KANK1: variants seen among roughly 807,000 people sequenced by gnomAD.
KANK1 encodes the protein KN motif and ankyrin repeat domain-containing protein 1.
Under a neutral mutation model 106.2 loss-of-function variants are expected in KANK1, and 109 were observed. The observed-to-expected ratio is 1.03, with a 90% CI of 0.88 to 1.20. The LOEUF is 1.20. KANK1 is among the 50% of genes most tolerant of loss of function. The probability of loss-of-function intolerance (pLI) is 0.00; values close to 1 mark genes in which losing one functional copy is unlikely to be tolerated. For synonymous variants in KANK1, 873 were observed against 652.2 expected (o/e 1.34, Z -5.16); for missense variants, 2,399 against 1,710.7 (o/e 1.40, Z -7.10).
chr9:626,773 G>T (rs1270564265), intron 1 of KANK1, among the ~76,000 whole-genome samples: 1 of 152,102 alleles, frequency 6.6e-6, no homozygotes, highest in Non-Finnish European at 1.5e-5. Context: ...ATCCACCCTC[G>T]GTCTCCCTGA....
At chr9:490,793 C>T (rs2058365062) in intron 3 of KANK1, among the ~76,000 whole-genome samples, 3 of 152,048 alleles carry the variant, frequency 2.0e-5, no homozygotes, top group Admixed American at 6.6e-5. Flanking sequence ...GTGCCAGGGA[C>T]TATGAGTAAA....
rs1826235637 is a variant in KANK1, at chr9:711,959, GC to G, written c.1195del (p.Arg399GlyfsTer11). On this transcript the variant is annotated frameshift_variant, in exon 3 of 12. Coordinates refer to ENST00000382297, the MANE Select transcript of KANK1 (RefSeq NM_015158.5). LOFTEE classifies it high-confidence loss of function. ...TCAGAGCTCAGGGAGAATGGAGAGT[GC>G]CGGTCTGTGGCTGTGGGTGCCGAGG... ...ASSELRENGE[C>X]RSVAVGAEEN... is the part of the protein sequence containing the mutation. 3 of 1,614,222 alleles carry G rather than the reference GC, an allele frequency of 1.9e-6. No individual in the cohort carries two copies. Among genetic ancestry groups the G allele is most frequent in the Non-Finnish European group, 2.5e-6 (3 of 1,180,038 alleles).
chr9:703,734 C>T (rs527655017), intron 2 of KANK1, among the ~76,000 whole-genome samples: 5 of 150,904 alleles, frequency 3.3e-5, no homozygotes, highest in Admixed American at 2.0e-4. Context: ...TTTTTTGAGA[C>T]GGAGTCTTGC....
intron 3 of KANK1, among the ~76,000 whole-genome samples, chr9:479,412 A>C (rs1410453406): frequency 6.6e-6 from 1 of 152,218 alleles, no homozygotes; most frequent in Non-Finnish European, 1.5e-5. Context: ...AGAGTTCTTC[A>C]CTGCTCATTC....
intron 1 of KANK1, among the ~76,000 whole-genome samples, chr9:622,833 C>T (rs1013679029): frequency 4.0e-5 from 6 of 151,818 alleles, no homozygotes; most frequent in Non-Finnish European, 5.9e-5. Context: ...ACCTGGGAGG[C>T]GGAGGTTGCA....
In KANK1 at chr9:504,697, G is replaced by A. The variant is rs1246706933; in HGVS notation, c.-141G>A. 2 of 151,300 alleles carry A rather than the reference G, an allele frequency of 1.3e-5. No individual in the cohort carries two copies. The highest frequency in any genetic ancestry group is 4.8e-5 in the African/African-American group (2 of 41,330). The allele number at this position is 151,300 out of a possible 1,614,324, so 9.4% of individuals were successfully genotyped here. On this transcript the variant is annotated 5_prime_UTR_variant, in exon 1 of 12. Coordinates refer to ENST00000382297, the MANE Select transcript of KANK1 (RefSeq NM_015158.5). ...CCCCCTGCGCCCCGCCCTTCCCCGA[G>A]CTCCGGGTCCGCGGCGGAGCGAGCG...
At chr9:667,416 C>G (rs1411103434) in intron 1 of KANK1, among the ~76,000 whole-genome samples, 1 of 151,336 alleles carries the variant, frequency 6.6e-6, no homozygotes, top group East Asian at 1.9e-4. Context: ...TTTATTTTTG[C>G]TCTGATCTTT....
At chr9:641,541 G>A (rs556654946) in intron 1 of KANK1, among the ~76,000 whole-genome samples, 2 of 152,158 alleles carry the variant, frequency 1.3e-5, no homozygotes, top group African/African-American at 2.4e-5. Context: ...AGTTCTAAGC[G>A]TTGGGATTCC....
chr9:575,712 A>G (rs1384547735), intron 1 of KANK1, among the ~76,000 whole-genome samples: 1 of 151,974 alleles, frequency 6.6e-6, no homozygotes, highest in African/African-American at 2.4e-5. Context: ...GTTAATAGCA[A>G]GGAAAGAATG....
intron 1 of KANK1, among the ~76,000 whole-genome samples, chr9:661,003 T>C (rs1418251179): frequency 6.6e-6 from 1 of 152,222 alleles, no homozygotes; most frequent in Non-Finnish European, 1.5e-5. Flanking sequence ...GTACCAGTCA[T>C]GTAGCTAGCT....
intron 3 of KANK1, among the ~76,000 whole-genome samples, chr9:491,923 A>G (rs958551322): frequency 8.5e-5 from 13 of 152,196 alleles, no homozygotes; most frequent in African/African-American, 3.1e-4. Context: ...GTGCCATCCA[A>G]GTAAGACGTG....
chr9:522,281 G>T (rs2059587422), intron 1 of KANK1, among the ~76,000 whole-genome samples: 4 of 151,652 alleles, frequency 2.6e-5, no homozygotes, highest in Admixed American at 2.6e-4. Context: ...TTTGAAAGAT[G>T]CCGCAAGTGT....
intron 1 of KANK1, among the ~76,000 whole-genome samples, chr9:595,331 G>A (rs1034751014): frequency 2.0e-5 from 3 of 151,738 alleles, no homozygotes; most frequent in Non-Finnish European, 4.4e-5. Context: ...TGGCTGAAAA[G>A]TGCTCTTTCT....
chr9:564,061 T>C (rs930192931), intron 1 of KANK1, among the ~76,000 whole-genome samples: 2 of 142,322 alleles, frequency 1.4e-5, no homozygotes, highest in African/African-American at 6.1e-5. Flanking sequence ...GCACTTTCTT[T>C]CTTTTTTTTT....
At chr9:539,083 G>T (rs748758332) in intron 1 of KANK1, among the ~76,000 whole-genome samples, 1 of 152,106 alleles carries the variant, frequency 6.6e-6, no homozygotes, top group East Asian at 1.9e-4. Flanking sequence ...ATTTCACCAT[G>T]TTGGCCCAGC....
chr9:710,125 T>C (rs1040588577), intron 2 of KANK1, among the ~76,000 whole-genome samples: 15 of 152,132 alleles, frequency 9.9e-5, no homozygotes, highest in African/African-American at 3.6e-4. Flanking sequence ...TTGGGTGATG[T>C]GTACACTAGA....
At chr9:623,258 C>G (rs986155173) in intron 1 of KANK1, among the ~76,000 whole-genome samples, 4 of 151,870 alleles carry the variant, frequency 2.6e-5, no homozygotes, top group African/African-American at 9.7e-5. Flanking sequence ...TTAATAGACA[C>G]TTTTCCAAAG....
intron 5 of KANK1, 168 bp from the exon 6 acceptor site, chr9:732,210 C>A: frequency 1.4e-6 from 1 of 714,970 alleles, no homozygotes; most frequent in East Asian, 2.7e-5. Flanking sequence ...AGAGTCCATT[C>A]AAAACCACCA....
At chr9:634,237 G>A (rs1563900050) in intron 1 of KANK1, among the ~76,000 whole-genome samples, 1 of 152,150 alleles carries the variant, frequency 6.6e-6, no homozygotes. Context: ...GGTGAGCGGA[G>A]GACTTAGGGA....
Sources: allele counts gnomAD v4.1 joint callset (sites outside exome capture counted in the v4.1 genomes callset), GRCh38; gene constraint gnomAD v4.1.1; transcripts MANE v1.5; gene names NCBI Gene and HGNC (gene_info 2026-07-23, HGNC 2026-07-21).